KIAA0930: variants seen among roughly 807,000 people sequenced by gnomAD.
KIAA0930 encodes KIAA0930, also known as uncharacterized protein KIAA0930.
KIAA0930 carries 24 observed loss-of-function variants against 43.9 expected under a neutral mutation model. The ratio of observed to expected loss-of-function variants is 0.55; its 90% CI spans 0.40 to 0.77. The LOEUF (loss-of-function observed/expected upper bound fraction) is 0.77, where lower values mean the gene tolerates loss of function less well. Ranked by LOEUF, KIAA0930 falls within the 30% of genes least tolerant of loss-of-function variation. KIAA0930 has a pLI of 0.00. For synonymous variants in KIAA0930, 259 were observed against 216.4 expected, an observed-to-expected ratio of 1.20 and a Z score of -1.73; for missense variants, 461 against 574.2, an observed-to-expected ratio of 0.80 and a Z score of 2.02.
chr22:45,217,398 T>G (rs992245954), intron 1 of KIAA0930, among the ~76,000 whole-genome samples: 2 of 144,860 alleles, frequency 1.4e-5, no homozygotes, highest in Non-Finnish European at 3.0e-5. Context: ...AGACACCATA[T>G]TTAACATATA....
intron 1 of KIAA0930, among the ~76,000 whole-genome samples, chr22:45,235,571 G>A (rs776425382): frequency 2.1e-5 from 3 of 146,280 alleles, no homozygotes; most frequent in Non-Finnish European, 3.1e-5. Context: ...GAGAGCTTCC[G>A]CATTGACTCA....
At chr22:45,197,625 C>A (rs1168692310) in intron 9 of KIAA0930, among the ~76,000 whole-genome samples, 165 bp downstream of exon 9, 1 of 152,222 alleles carries the variant, frequency 6.6e-6, no homozygotes, top group African/African-American at 2.4e-5. Flanking sequence ...AAAGCTACGG[C>A]TCCACCCAAA....
intron 9 of KIAA0930, 107 bp downstream of exon 9, chr22:45,197,683 G>T: frequency 8.1e-7 from 1 of 1,232,198 alleles, no homozygotes; most frequent in Non-Finnish European, 1.2e-6. Context: ...CCAACCAACC[G>T]ACAGGACAGG....
At chr22:45,208,233 A>C (rs2083656268) in intron 2 of KIAA0930, among the ~76,000 whole-genome samples, 1 of 152,098 alleles carries the variant, frequency 6.6e-6, no homozygotes, top group Non-Finnish European at 1.5e-5. Context: ...GGCATGACTC[A>C]CAAACATGAC....
chr22:45,203,945 C>A lies in KIAA0930; in HGVS notation c.557G>T (p.Cys186Phe). Residue 186 changes from cysteine (C) to phenylalanine (F), a missense_variant, in exon 6 of 10, where the codon TGT (cysteine) becomes TTT (phenylalanine). Coordinates refer to ENST00000336156, the MANE Select transcript of KIAA0930 (RefSeq NM_001009880.2). ...TTTGTCACTAGCCACCAGCTCCACA[C>A]AGACCATCTCTCCTTCCCCTACGGT... is the stretch of plus-strand genomic sequence containing the variant. ...DMTVGEGEMV[C>F]VELVASDKTN... 6.2e-7 allele frequency: 1 copy of A among 1,614,130 alleles called. No homozygotes were observed. The highest frequency in any genetic ancestry group is 8.5e-7 in the Non-Finnish European group (1 of 1,179,968).
intron 1 of KIAA0930, among the ~76,000 whole-genome samples, chr22:45,239,001 G>A (rs2083902718): frequency 6.6e-6 from 1 of 152,130 alleles, no homozygotes; most frequent in Non-Finnish European, 1.5e-5. Flanking sequence ...AAAGCACCCG[G>A]CACATAGTAA....
At position 45,240,713 on chromosome 22, in the gene KIAA0930, C is replaced by A; in HGVS notation, c.-10G>T. 1.7e-6 allele frequency: 2 copies of A among 1,175,828 alleles called. No individual in the cohort carries two copies. Among genetic ancestry groups the A allele is most frequent in the Non-Finnish European group, 2.1e-6 (2 of 965,530 alleles). 72.8% of individuals were successfully genotyped at this position (1,175,828 alleles called of 1,614,324 possible). ...CTATGGCACGCAGCATGTGCTGCAG[C>A]GAGCGCTCCTCGGCCTCGGCGCCGC... On this transcript the variant is annotated 5_prime_UTR_variant, in exon 1 of 10. Transcript: ENST00000336156.
At chr22:45,199,260 C>T (rs1185268581) in intron 8 of KIAA0930, among the ~76,000 whole-genome samples, 1 of 152,184 alleles carries the variant, frequency 6.6e-6, no homozygotes, top group Admixed American at 6.5e-5. Context: ...AGGGAGCAGG[C>T]ACGGGTGCTC....
intron 5 of KIAA0930, 58 bp from the exon 6 acceptor site, chr22:45,204,043 C>T: frequency 6.2e-7 from 1 of 1,603,586 alleles, no homozygotes; most frequent in Non-Finnish European, 8.5e-7. Context: ...GCCCACACCA[C>T]AGCCTGGCCC....
At chr22:45,237,747 C>A (rs1569087329) in intron 1 of KIAA0930, among the ~76,000 whole-genome samples, 1 of 152,108 alleles carries the variant, frequency 6.6e-6, no homozygotes, top group Non-Finnish European at 1.5e-5. Flanking sequence ...ACAACCCTGC[C>A]CCCACAGCTT....
chr22:45,223,876 C>T (rs922017965), intron 1 of KIAA0930, among the ~76,000 whole-genome samples: 1 of 151,386 alleles, frequency 6.6e-6, no homozygotes, highest in Non-Finnish European at 1.5e-5. Flanking sequence ...ACCAGATAAG[C>T]ACCCAGGGTC....
At chr22:45,210,188 G>A (rs898561835) in intron 2 of KIAA0930, among the ~76,000 whole-genome samples, 13 of 152,216 alleles carry the variant, frequency 8.5e-5, no homozygotes, top group African/African-American at 3.1e-4. Flanking sequence ...CTGCCTTGGG[G>A]AAAAGACCAA....
At chr22:45,222,485 T>A (rs1295130881) in intron 1 of KIAA0930, among the ~76,000 whole-genome samples, 1 of 152,042 alleles carries the variant, frequency 6.6e-6, no homozygotes, top group South Asian at 2.1e-4. Flanking sequence ...ACTTTTTGTA[T>A]TTTTTGTAGA....
At chr22:45,227,810 G>A (rs886302158) in intron 1 of KIAA0930, among the ~76,000 whole-genome samples, 1 of 152,216 alleles carries the variant, frequency 6.6e-6, no homozygotes, top group Non-Finnish European at 1.5e-5. Context: ...CCTCATCCCT[G>A]TACCCTAAAG....
chr22:45,209,462 G>A (rs1321311551), intron 2 of KIAA0930, among the ~76,000 whole-genome samples: 3 of 152,132 alleles, frequency 2.0e-5, no homozygotes, highest in East Asian at 1.9e-4. Context: ...AATCTCCATC[G>A]GCCTAGTCTG....
rs1601803001 is a variant in KIAA0930, at chr22:45,193,684, C to G, written c.*3492G>C. On this transcript the variant is annotated 3_prime_UTR_variant, in exon 10 of 10. Transcript: ENST00000336156. ...CCAAGCTGACTTGGCTATAGAGTAT[C>G]TTGCGTCCTTTTGTTCTCTTCTGAC... The G allele has an allele frequency of 6.6e-6, 1 of 152,314 alleles. No homozygotes were observed. Among genetic ancestry groups the G allele is most frequent in the Non-Finnish European group, 1.5e-5 (1 of 68,034 alleles). 9.4% of individuals were successfully genotyped at this position (152,314 alleles called of 1,614,324 possible).
rs543739585 is a variant in KIAA0930 at position 45,225,893 on chromosome 22, G to A, written c.65-13786C>T. Among the ~76,000 whole-genome samples the A allele has an allele frequency of 3.9e-5, 6 of 152,314 alleles. No homozygotes were observed. The East Asian group carries it at 7.7e-4, about 20-fold the overall frequency. ...ATGAGGAACTTGGGGCTCAAGGCCC[G>A]AGCGCCTGGTCTGCAGTCAGGCCTG... On this transcript the variant is annotated intron_variant, in intron 1 of 9. Transcript: ENST00000336156.
At chr22:45,224,441 C>T (rs2083786150) in intron 1 of KIAA0930, among the ~76,000 whole-genome samples, 1 of 152,206 alleles carries the variant, frequency 6.6e-6, no homozygotes, top group African/African-American at 2.4e-5. Flanking sequence ...AGGCCTGACG[C>T]TCTTGATCTC....
At position 45,212,107 on chromosome 22, in the gene KIAA0930, C is replaced by A. The variant is rs183071238; in HGVS notation, c.65G>T (p.Gly22Val). The A allele has an allele frequency of 1.2e-6, 2 of 1,613,736 alleles. No homozygotes were observed. The highest frequency in any genetic ancestry group is 2.7e-5 in the African/African-American group (2 of 75,050). The change falls in exon 2 of 10, where the codon GGG becomes GTG. Residue 22 changes from glycine (G) to valine (V), a missense_variant and splice_region_variant. Coordinates refer to ENST00000336156, the MANE Select transcript of KIAA0930 (RefSeq NM_001009880.2). ...GACGATGCGGTCATCCTTGAAGCAC[C>A]CTGCAGAGGGAGGCCAGACAGGAGT... ...LSLRREVCGL[G>V]CFKDDRIVFW...
Sources: allele counts gnomAD v4.1 joint callset (sites outside exome capture counted in the v4.1 genomes callset), GRCh38; gene constraint gnomAD v4.1.1; transcripts MANE v1.5; gene names NCBI Gene and HGNC (gene_info 2026-07-23, HGNC 2026-07-21).